The following PDE8B variants were observed in gnomAD, a reference collection of about 807,000 sequenced individuals.
PDE8B encodes high affinity cAMP-specific and IBMX-insensitive 3',5'-cyclic phosphodiesterase 8B.
In PDE8B, 26 loss-of-function variants were observed where a neutral mutation model predicts 101.3. The observed-to-expected ratio is 0.26, with a 90% CI of 0.19 to 0.36. The LOEUF is 0.36. Among genes scored for constraint, PDE8B ranks in the 10% least tolerant of loss-of-function variants. The pLI is 1.00. For missense variants in PDE8B, 810 were observed against 1,163.1 expected (o/e 0.70, Z 4.42); for synonymous variants, 424 against 429.3 (o/e 0.99, Z 0.15).
intron 10 of PDE8B, among the ~76,000 whole-genome samples, chr5:77,369,130 G>A (rs1380539773): frequency 2.7e-5 from 4 of 148,264 alleles, no homozygotes; most frequent in African/African-American, 1.0e-4. Flanking sequence ...TTGAACCTGG[G>A]AGACGGAGGT....
chr5:77,210,346 T>A (rs1580323022), upstream of PDE8B: 3 of 146,722 alleles, frequency 2.0e-5, no homozygotes, highest in South Asian at 6.1e-4. This position sits in a 1 kb window ranked among gnomAD's most constrained non-coding sequence, Gnocchi z 4.9. Flanking sequence ...CGCTCTGCCC[T>A]GTCGGGAGAG....
At chr5:77,387,364 C>G (rs1025706401) in intron 10 of PDE8B, among the ~76,000 whole-genome samples, 1 of 152,120 alleles carries the variant, frequency 6.6e-6, no homozygotes, top group Non-Finnish European at 1.5e-5. Flanking sequence ...GTTGAAAATT[C>G]TTTTCTTTAA....
At chr5:77,388,477 G>T (rs1049153704) in intron 10 of PDE8B, among the ~76,000 whole-genome samples, 1 of 152,194 alleles carries the variant, frequency 6.6e-6, no homozygotes, top group South Asian at 2.1e-4. Context: ...CCAGATGCCA[G>T]CCAGAGCTCT....
chr5:77,149,988 A>C, the PDE8B span, among the ~76,000 whole-genome samples: 6 of 152,310 alleles, frequency 3.9e-5, no homozygotes, highest in African/African-American at 1.4e-4. Flanking sequence ...ATTCGGACAC[A>C]ATATTTATGA....
chr5:77,197,284 A>AT, the PDE8B span, among the ~76,000 whole-genome samples: 32 of 147,062 alleles, frequency 2.2e-4, no homozygotes, highest in Non-Finnish European at 3.0e-4. Context: ...GCTAATTTAA[A>AT]TTTTTTTTTT....
intron 1 of PDE8B, among the ~76,000 whole-genome samples, chr5:77,240,246 C>T (rs1032263304): frequency 2.5e-4 from 38 of 152,276 alleles, no homozygotes; most frequent in African/African-American, 7.7e-4. Flanking sequence ...CTCCGCCTCC[C>T]GGGTTCACGC....
chr5:77,309,878 C>T (rs1389659714), intron 1 of PDE8B, among the ~76,000 whole-genome samples: 7 of 148,880 alleles, frequency 4.7e-5, no homozygotes, highest in East Asian at 2.0e-4. Flanking sequence ...CCTCGGCCTC[C>T]GAAAATGCTG....
intron 1 of PDE8B, among the ~76,000 whole-genome samples, chr5:77,256,116 T>TAA (rs1759117506): frequency 1.3e-5 from 2 of 152,230 alleles, no homozygotes; most frequent in African/African-American, 4.8e-5. Flanking sequence ...TTTAATTTGC[T>TAA]TTTATCAAAC....
the PDE8B span, among the ~76,000 whole-genome samples, chr5:77,159,887 G>T: frequency 6.6e-6 from 1 of 152,116 alleles, no homozygotes; most frequent in East Asian, 1.9e-4. Flanking sequence ...GGAGATTTGG[G>T]GTCTTTCAGT....
intron 1 of PDE8B, among the ~76,000 whole-genome samples, chr5:77,212,755 C>G (rs528146474): frequency 6.6e-6 from 1 of 152,168 alleles, no homozygotes; most frequent in African/African-American, 2.4e-5. Context: ...CTCTCTCTCT[C>G]CCCCTCCCTG....
At chr5:77,422,870 G>A (rs1384140602) in intron 20 of PDE8B, among the ~76,000 whole-genome samples, 10 of 152,208 alleles carry the variant, frequency 6.6e-5, no homozygotes, top group African/African-American at 1.9e-4. Context: ...ACCAGCAGAG[G>A]AGCCCAGTAT....
intron 2 of PDE8B, among the ~76,000 whole-genome samples, chr5:77,315,414 A>G (rs544615217): frequency 5.9e-4 from 90 of 152,280 alleles, no homozygotes; most frequent in African/African-American, 1.9e-3. Context: ...TACAAAGACT[A>G]TTCTTCCCCA....
intron 1 of PDE8B, among the ~76,000 whole-genome samples, chr5:77,296,191 T>G (rs1768523661): frequency 6.6e-6 from 1 of 152,056 alleles, no homozygotes; most frequent in Non-Finnish European, 1.5e-5. Context: ...TTTTTTCTTC[T>G]TTCTCTCCCT....
chr5:77,226,979 C>T (rs1412092624), intron 1 of PDE8B, among the ~76,000 whole-genome samples: 1 of 152,186 alleles, frequency 6.6e-6, no homozygotes, highest in Non-Finnish European at 1.5e-5. Context: ...TTTCCACTTA[C>T]ATTAAAGTCC....
chr5:77,294,875 T>C (rs1259010515), intron 1 of PDE8B, among the ~76,000 whole-genome samples: 2 of 148,274 alleles, frequency 1.3e-5, no homozygotes, highest in Non-Finnish European at 1.5e-5. Flanking sequence ...ATATATATAA[T>C]ATATATTATA....
chr5:77,395,829 G>A (rs1790929185), intron 10 of PDE8B, among the ~76,000 whole-genome samples: 1 of 145,954 alleles, frequency 6.9e-6, no homozygotes, highest in Admixed American at 7.0e-5. Context: ...CTGTCATAAA[G>A]CCAGTTCCAC....
At chr5:77,423,361 C>T (rs1347486627) in intron 20 of PDE8B, among the ~76,000 whole-genome samples, 1 of 152,152 alleles carries the variant, frequency 6.6e-6, no homozygotes, top group East Asian at 1.9e-4. Context: ...ATTTATTTTC[C>T]TTTGGGTATA....
chr5:77,397,653 A>G (rs1005849666), intron 10 of PDE8B, among the ~76,000 whole-genome samples: 8 of 152,198 alleles, frequency 5.3e-5, no homozygotes. Flanking sequence ...TTCTTACATT[A>G]CTGGCTTCAA....
chr5:77,234,535 G>A (rs947743163), intron 1 of PDE8B, among the ~76,000 whole-genome samples: 1 of 152,154 alleles, frequency 6.6e-6, no homozygotes, highest in Admixed American at 6.5e-5. Context: ...CCTCAGAGAT[G>A]ACAGAATAGA....
Sources: gnomAD v4.1 joint callset for allele counts (sites outside exome capture counted in the v4.1 genomes callset) on GRCh38, gnomAD v4.1.1 for gene constraint, Gnocchi (gnomAD v3.1) non-coding constraint, MANE v1.5 for transcripts, NCBI Gene and HGNC (gene_info 2026-07-23, HGNC 2026-07-21) for gene names.